GPBP1: variants seen among roughly 807,000 people sequenced by gnomAD.
GPBP1 encodes vasculin.
GPBP1 carries 13 observed loss-of-function variants against 56.5 expected under a neutral mutation model. That is an observed-to-expected ratio of 0.23 (90% CI 0.15 to 0.37). GPBP1 has a LOEUF of 0.37. Ranked by LOEUF, GPBP1 falls within the 10% of genes least tolerant of loss-of-function variation. The probability of loss-of-function intolerance (pLI) is 1.00; values close to 1 mark genes in which losing one functional copy is unlikely to be tolerated. For missense variants in GPBP1, 477 were observed against 572.3 expected (o/e 0.83, Z 1.70); for synonymous variants, 204 against 188.9 (o/e 1.08, Z -0.66).
intron 2 of GPBP1, among the ~76,000 whole-genome samples, chr5:57,210,706 C>T (rs908421967): frequency 9.2e-5 from 14 of 152,174 alleles, no homozygotes; most frequent in African/African-American, 2.7e-4. Context: ...AAACAACAGA[C>T]ATTTATTTTC....
At position 57,174,913 on chromosome 5, in the gene GPBP1, G is replaced by A. The variant is rs1753730666; in HGVS notation, c.-1010-535G>A. On this transcript the variant is annotated intron_variant, in intron 1 of 11. Coordinates refer to ENST00000506184, the MANE Select transcript of GPBP1 (RefSeq NM_022913.4). The stretch of plus-strand genomic sequence containing the variant: ...TCTCCTCGGGAGAATTTAAGAAGCG[G>A]GTTTGCCCTACTTCTAGTTCACCTT... 2.0e-5 allele frequency among the ~76,000 whole-genome samples: 3 copies of A among 152,276 alleles called. No homozygotes were observed. In the South Asian group the frequency reaches 6.2e-4, roughly 32 times the overall value.
intron 2 of GPBP1, among the ~76,000 whole-genome samples, chr5:57,204,872 A>G (rs1459731580): frequency 1.3e-5 from 2 of 152,190 alleles, no homozygotes; most frequent in Non-Finnish European, 2.9e-5. Flanking sequence ...CTAAATTTAC[A>G]TACATTTATT....
At chr5:57,213,983 A>G (rs988937730) in intron 2 of GPBP1, 91 bp from the exon 3 acceptor site, 4 of 618,288 alleles carry the variant, frequency 6.5e-6, no homozygotes, top group Non-Finnish European at 1.2e-5. Context: ...ATAGAATCCT[A>G]TAGTAGTAAG....
chr5:57,223,587 G>T (rs909781722), intron 3 of GPBP1, among the ~76,000 whole-genome samples: 4 of 151,854 alleles, frequency 2.6e-5, no homozygotes, highest in African/African-American at 9.7e-5. Flanking sequence ...TAGAAGAGCC[G>T]CCTCAAAATT....
intron 6 of GPBP1, among the ~76,000 whole-genome samples, chr5:57,244,850 C>T (rs965938683): frequency 6.7e-6 from 1 of 150,126 alleles, no homozygotes; most frequent in Non-Finnish European, 1.5e-5. Flanking sequence ...TCTCCTGCCT[C>T]AGCCTCCCGA....
chr5:57,209,013 T>G (rs1755362097), intron 2 of GPBP1, among the ~76,000 whole-genome samples: 2 of 152,214 alleles, frequency 1.3e-5, no homozygotes, highest in Admixed American at 1.3e-4. Context: ...TTAATAGTTT[T>G]TGGTGTGCAA....
intron 2 of GPBP1, among the ~76,000 whole-genome samples, chr5:57,191,283 C>A (rs371947355): frequency 2.6e-5 from 4 of 151,966 alleles, no homozygotes; most frequent in African/African-American, 9.7e-5. Context: ...TTAGTAGAGG[C>A]AGGTTTCGCC....
intron 3 of GPBP1, among the ~76,000 whole-genome samples, chr5:57,216,941 C>T (rs982134401): frequency 2.0e-5 from 3 of 151,028 alleles, no homozygotes; most frequent in Admixed American, 6.6e-5. Flanking sequence ...TTTGCAATAT[C>T]GTTATATATT....
intron 3 of GPBP1, among the ~76,000 whole-genome samples, chr5:57,220,535 C>G (rs1755910455): frequency 6.6e-6 from 1 of 151,022 alleles, no homozygotes; most frequent in Admixed American, 6.6e-5. Flanking sequence ...TCTCTGCTCA[C>G]TGTAACCTCT....
chr5:57,219,872 G>GA (rs1755877618), intron 3 of GPBP1, among the ~76,000 whole-genome samples: 3 of 152,102 alleles, frequency 2.0e-5, no homozygotes, highest in South Asian at 4.2e-4. Flanking sequence ...GACCAACGTG[G>GA]AAAAACCCTG....
Position 57,229,230 on chromosome 5 carries a change from C to CAAAAAAAAAAA in GPBP1, c.64-1589_64-1579dup, listed in dbSNP as rs543005934. ...TGGGCGACAGAACAAGACTCCATCT[C>CAAAAAAAAAAA]AAAAAAAAAAAAAAAAAAAAAAAAA... On this transcript the variant is annotated intron_variant, in intron 3 of 11. Coordinates refer to ENST00000506184, the MANE Select transcript of GPBP1 (RefSeq NM_022913.4). Among the ~76,000 whole-genome samples, 51 of 77,410 alleles carry CAAAAAAAAAAA rather than the reference C, an allele frequency of 6.6e-4. 12 individuals carry two copies. Among genetic ancestry groups the CAAAAAAAAAAA allele is most frequent in the South Asian group, 1.5e-3 (4 of 2,718 alleles). 50.8% of individuals were successfully genotyped at this position (77,410 alleles called of 152,430 possible).
At chr5:57,251,323 T>G (rs1249969567) in intron 10 of GPBP1, among the ~76,000 whole-genome samples, 182 bp downstream of exon 10, 1 of 152,234 alleles carries the variant, frequency 6.6e-6, no homozygotes, top group Non-Finnish European at 1.5e-5. Context: ...CGCATTTACT[T>G]TTCATTTGCA....
At chr5:57,185,319 T>A (rs1317409840) in intron 2 of GPBP1, among the ~76,000 whole-genome samples, 1 of 150,934 alleles carries the variant, frequency 6.6e-6, no homozygotes, top group Admixed American at 6.7e-5. Context: ...TGGGGTGCAA[T>A]GGGGCAATCT....
chr5:57,179,201 C>T (rs1331763609), intron 2 of GPBP1, among the ~76,000 whole-genome samples: 2 of 152,182 alleles, frequency 1.3e-5, no homozygotes, highest in African/African-American at 4.8e-5. Flanking sequence ...TGAACATTAT[C>T]TTTGATATTT....
chr5:57,187,507 A>G (rs1018088881), intron 2 of GPBP1, among the ~76,000 whole-genome samples: 1 of 152,158 alleles, frequency 6.6e-6, no homozygotes, highest in Admixed American at 6.6e-5. Context: ...GAACAAGGCA[A>G]AAATGTAAGA....
chr5:57,174,582 T>A (rs1753713225), intron 1 of GPBP1, among the ~76,000 whole-genome samples: 1 of 152,114 alleles, frequency 6.6e-6, no homozygotes, highest in African/African-American at 2.4e-5. Context: ...ACCACTACCC[T>A]TCTCAGGGCT....
intron 5 of GPBP1, among the ~76,000 whole-genome samples, chr5:57,235,618 A>T (rs538108414): frequency 6.6e-5 from 10 of 152,296 alleles, no homozygotes; most frequent in African/African-American, 2.4e-4. Flanking sequence ...AAGTAAGCTG[A>T]GAGTAAGGTT....
rs113534625 is a variant in GPBP1, at chr5:57,216,724, A to G, written c.63+2531A>G. On this transcript the variant is annotated intron_variant, in intron 3 of 11. Transcript: ENST00000506184. Reference sequence around the variant, plus strand: ...AACAAAAAACACTAAAAGTCTGAAAATTATTCTAAGGGCACATAGCAAATG... The same window carrying G: ...AACAAAAAACACTAAAAGTCTGAAAGTTATTCTAAGGGCACATAGCAAATG... 2.1e-3 allele frequency among the ~76,000 whole-genome samples: 316 copies of G among 152,250 alleles called. 2 individuals are homozygous for G. The highest frequency in any genetic ancestry group is 7.1e-3 in the African/African-American group (293 of 41,554).
At chr5:57,260,482 T>A (rs1440089273) in intron 10 of GPBP1, among the ~76,000 whole-genome samples, 1 of 152,224 alleles carries the variant, frequency 6.6e-6, no homozygotes, top group Non-Finnish European at 1.5e-5. Flanking sequence ...CATGTTGATC[T>A]GATAGGGGCT....
Sources: allele counts gnomAD v4.1 joint callset (sites outside exome capture counted in the v4.1 genomes callset), GRCh38; gene constraint gnomAD v4.1.1; transcripts MANE v1.5; gene names NCBI Gene and HGNC (gene_info 2026-07-23, HGNC 2026-07-21).